TENM2: variants seen among roughly 807,000 people sequenced by gnomAD.
TENM2 encodes teneurin transmembrane protein 2.
Under a neutral mutation model 245.2 loss-of-function variants are expected in TENM2, and 52 were observed. The observed-to-expected ratio is 0.21, with a 90% CI of 0.17 to 0.27. The LOEUF is 0.27. Ranked by LOEUF, TENM2 falls within the 10% of genes least tolerant of loss-of-function variation. TENM2 has a pLI of 1.00. For synonymous variants in TENM2, 1,363 were observed against 1,438.9 expected (o/e 0.95, Z 1.19); for missense variants, 3,046 against 3,666.8 (o/e 0.83, Z 4.37).
At chr5:167,451,741 C>T (rs190207073) in intron 2 of TENM2, among the ~76,000 whole-genome samples, 2 of 152,020 alleles carry the variant, frequency 1.3e-5, no homozygotes, top group South Asian at 2.1e-4. Context: ...CTCCGCCTCC[C>T]GGGTTCATGC....
the TENM2 span, among the ~76,000 whole-genome samples, chr5:167,034,437 C>T: frequency 5.3e-5 from 8 of 151,790 alleles, no homozygotes; most frequent in Admixed American, 1.3e-4. Flanking sequence ...GAGACCATCC[C>T]GGCTAAAACG....
intron 1 of TENM2, among the ~76,000 whole-genome samples, chr5:167,350,761 T>C (rs201994929): frequency 0.35 from 24,069 of 69,326 alleles, 5,027 homozygotes; most frequent in Admixed American, 0.43. Context: ...TATATACATA[T>C]GGATATATAT....
chr5:167,420,698 C>T (rs1442522695), intron 2 of TENM2, among the ~76,000 whole-genome samples: 2 of 152,164 alleles, frequency 1.3e-5, no homozygotes, highest in African/African-American at 4.8e-5. Flanking sequence ...GCCTTCCCAT[C>T]CCTGTTTTAT....
intron 2 of TENM2, among the ~76,000 whole-genome samples, chr5:167,455,719 G>T (rs561693304): frequency 4.6e-5 from 7 of 152,078 alleles, no homozygotes; most frequent in African/African-American, 1.7e-4. Flanking sequence ...TTCTCCTTGG[G>T]TTTATATAGC....
the TENM2 span, among the ~76,000 whole-genome samples, chr5:167,185,371 T>G: frequency 6.6e-6 from 1 of 152,178 alleles, no homozygotes. Flanking sequence ...TAAATTACAT[T>G]ATTGATATCT....
Position 167,690,920 on chromosome 5 carries a change from AGTATGTGTGTGTGTGTGT to A in TENM2, c.503-185063_503-185046del, listed in dbSNP as rs1409537885. The stretch of plus-strand genomic sequence containing the variant: ...ATTTGTATATATATCCGTATATGCG[AGTATGTGTGTGTGTGTGT>A]GTGTGTGTGTGTGTGTGTGTGTGTG... On this transcript the variant is annotated intron_variant, in intron 2 of 28. Coordinates refer to ENST00000518659, the Ensembl canonical transcript of TENM2. Among the ~76,000 whole-genome samples, 57 of 136,536 alleles carry A rather than the reference AGTATGTGTGTGTGTGTGT, an allele frequency of 4.2e-4. No individual in the cohort carries two copies. The East Asian group carries it at 4.9e-3, about 12-fold the overall frequency. The allele number at this position is 136,536 out of a possible 152,430, so 89.6% of individuals were successfully genotyped here. A position where few individuals can be genotyped will look rare whatever the true frequency, so the allele number is the denominator to read the frequency against.
At chr5:167,667,815 A>G (rs1439640074) in intron 2 of TENM2, among the ~76,000 whole-genome samples, 1 of 152,166 alleles carries the variant, frequency 6.6e-6, no homozygotes. Context: ...GCCACCTTCT[A>G]TTGAATGGCG....
chr5:166,989,655 G>C, the TENM2 span, among the ~76,000 whole-genome samples: 1 of 151,486 alleles, frequency 6.6e-6, no homozygotes, highest in Non-Finnish European at 1.5e-5. Flanking sequence ...GCCTCCCAAA[G>C]TGCTGGGATT....
intron 2 of TENM2, among the ~76,000 whole-genome samples, chr5:167,528,278 G>T (rs537665920): frequency 1.3e-5 from 2 of 152,202 alleles, no homozygotes; most frequent in South Asian, 4.2e-4. Flanking sequence ...AGTCAAAATG[G>T]ACTGTGAGAT....
the TENM2 span, among the ~76,000 whole-genome samples, chr5:167,026,802 A>C: frequency 6.6e-6 from 1 of 152,352 alleles, no homozygotes; most frequent in Middle Eastern, 3.4e-3. Flanking sequence ...AAAACCCCAC[A>C]TGGAGTGATC....
intron 2 of TENM2, among the ~76,000 whole-genome samples, chr5:167,859,308 G>A (rs1474164948): frequency 2.9e-4 from 39 of 133,238 alleles, no homozygotes; most frequent in South Asian, 1.3e-3. Context: ...GAGCCTCTCC[G>A]CCCGGCAGCC....
At chr5:167,998,414 T>A (rs1328798079) in intron 5 of TENM2, among the ~76,000 whole-genome samples, 1 of 152,180 alleles carries the variant, frequency 6.6e-6, no homozygotes, top group Non-Finnish European at 1.5e-5. Flanking sequence ...CTACCCCACA[T>A]CAAGGAAGAA....
intron 9 of TENM2, among the ~76,000 whole-genome samples, chr5:168,104,345 T>C (rs577862377): frequency 1.3e-5 from 2 of 152,264 alleles, no homozygotes; most frequent in African/African-American, 2.4e-5. Flanking sequence ...TCTTTCTTGA[T>C]AAAAACTCTT....
intron 14 of TENM2, among the ~76,000 whole-genome samples, chr5:168,193,319 C>G (rs1318893774): frequency 6.6e-6 from 1 of 152,092 alleles, no homozygotes; most frequent in African/African-American, 2.4e-5. Context: ...CTCGAAAATT[C>G]AAGATTTCTA....
the TENM2 span, among the ~76,000 whole-genome samples, chr5:167,092,580 C>T: frequency 6.6e-6 from 1 of 152,124 alleles, no homozygotes; most frequent in Non-Finnish European, 1.5e-5. Context: ...TGGATCATCT[C>T]CCTAAATTTT....
chr5:167,748,106 A>T (rs1761712837), intron 2 of TENM2, among the ~76,000 whole-genome samples: 1 of 152,306 alleles, frequency 6.6e-6, no homozygotes, highest in East Asian at 1.9e-4. Context: ...CTGAAGAATT[A>T]GTTACCCTTT....
At chr5:167,187,905 C>T in the TENM2 span, among the ~76,000 whole-genome samples, 1 of 152,110 alleles carries the variant, frequency 6.6e-6, no homozygotes, top group East Asian at 1.9e-4. Flanking sequence ...CGAGCCATAA[C>T]TTTTGAGGCT....
the TENM2 span, among the ~76,000 whole-genome samples, chr5:167,159,705 T>A: frequency 6.6e-6 from 1 of 152,180 alleles, no homozygotes; most frequent in Non-Finnish European, 1.5e-5. Flanking sequence ...TGCTTTGTAA[T>A]TTTTCATTTA....
At chr5:167,528,762 T>G (rs1771288415) in intron 2 of TENM2, among the ~76,000 whole-genome samples, 1 of 152,196 alleles carries the variant, frequency 6.6e-6, no homozygotes, top group South Asian at 2.1e-4. Context: ...TACTCATATC[T>G]TAAAATAATC....
Sources: allele counts gnomAD v4.1 joint callset (sites outside exome capture counted in the v4.1 genomes callset), GRCh38; gene constraint gnomAD v4.1.1; transcripts MANE v1.5; gene names NCBI Gene and HGNC (gene_info 2026-07-23, HGNC 2026-07-21).